TNS3: variants seen among roughly 807,000 people sequenced by gnomAD.
The protein encoded by TNS3 is tensin 3.
TNS3 carries 45 observed loss-of-function variants against 140.9 expected under a neutral mutation model. The observed-to-expected ratio is 0.32, with a 90% CI of 0.25 to 0.41. The LOEUF is 0.41. Ranked by LOEUF, TNS3 falls within the 10% of genes least tolerant of loss-of-function variation. The pLI is 1.00. For missense variants in TNS3, 1,716 were observed against 1,906.7 expected (o/e 0.90, Z 1.86); for synonymous variants, 815 against 788.4 (o/e 1.03, Z -0.56).
chr7:47,396,968 C>T, intron 15 of TNS3, 64 bp from the exon 16 acceptor site: 1 of 1,190,070 alleles, frequency 8.4e-7, no homozygotes, highest in African/African-American at 1.5e-5. Context: ...CCAACCGACT[C>T]CACCATAAGG....
chr7:47,312,859 C>T (rs185392558), intron 20 of TNS3, among the ~76,000 whole-genome samples: 1 of 151,292 alleles, frequency 6.6e-6, no homozygotes, highest in East Asian at 1.9e-4. Flanking sequence ...GCACATGTAC[C>T]CTAAAACTTA....
intron 25 of TNS3, 139 bp from the exon 26 acceptor site, chr7:47,293,044 G>A: frequency 1.5e-6 from 1 of 654,516 alleles, no homozygotes; most frequent in Non-Finnish European, 2.6e-6. Flanking sequence ...AGATTAGTGT[G>A]CAGCTTTGTG....
chr7:47,480,739 C>T (rs1227555360), intron 4 of TNS3, among the ~76,000 whole-genome samples: 1 of 152,202 alleles, frequency 6.6e-6, no homozygotes, highest in Non-Finnish European at 1.5e-5. Context: ...CCACAGCCAC[C>T]TGGCGACCCA....
intron 4 of TNS3, chr7:47,470,568 G>A: frequency 1.0e-6 from 1 of 985,354 alleles, no homozygotes; most frequent in Non-Finnish European, 1.2e-6. Context: ...TGCCTTTGGT[G>A]CGTCCAGCCC....
chr7:47,328,197 G>A (rs530315151), intron 20 of TNS3, among the ~76,000 whole-genome samples: 1 of 152,198 alleles, frequency 6.6e-6, no homozygotes, highest in East Asian at 1.9e-4. Flanking sequence ...CACCTCCAAA[G>A]AGGCCCATTC....
At chr7:47,520,159 G>A (rs1225765443) in intron 2 of TNS3, among the ~76,000 whole-genome samples, 1 of 152,072 alleles carries the variant, frequency 6.6e-6, no homozygotes, top group African/African-American at 2.4e-5. Context: ...AGGCCTGCCA[G>A]TGTCCCAGGG....
intron 4 of TNS3, among the ~76,000 whole-genome samples, chr7:47,472,008 TCTGAGAGC>T (rs1388401348): frequency 6.6e-6 from 1 of 152,202 alleles, no homozygotes; most frequent in Admixed American, 6.5e-5. Flanking sequence ...CTGCGCTCCT[TCTGAGAGC>T]CCCAGGGAGG....
intron 13 of TNS3, among the ~76,000 whole-genome samples, chr7:47,410,527 T>TG (rs1298361635): frequency 5.9e-5 from 9 of 152,120 alleles, no homozygotes; most frequent in Admixed American, 5.9e-4. Context: ...CCCGCAGGCG[T>TG]GGATGGGTTT....
intron 4 of TNS3, among the ~76,000 whole-genome samples, chr7:47,479,496 G>A (rs1335437496): frequency 7.5e-5 from 4 of 53,554 alleles, no homozygotes; most frequent in East Asian, 4.8e-4. Context: ...CCACCCCCCC[G>A]TCGGCGGTGA....
chr7:47,372,172 G>C (rs918635704), intron 16 of TNS3, among the ~76,000 whole-genome samples: 5 of 152,240 alleles, frequency 3.3e-5, no homozygotes, highest in Non-Finnish European at 7.3e-5. Flanking sequence ...TCCCCACGAT[G>C]GAAGGTGTTG....
At chr7:47,365,461 T>G (rs1254607787) in intron 17 of TNS3, among the ~76,000 whole-genome samples, 73 of 132,032 alleles carry the variant, frequency 5.5e-4, no homozygotes, top group African/African-American at 1.6e-3. Flanking sequence ...AAAAAAAAAG[T>G]GTTCTCAAAG....
intron 4 of TNS3, among the ~76,000 whole-genome samples, chr7:47,475,575 G>C (rs562369913): frequency 6.6e-6 from 1 of 152,346 alleles, no homozygotes; most frequent in African/African-American, 2.4e-5. Flanking sequence ...GCTGGCTGTG[G>C]GCTGCCCAGG....
At chr7:47,298,959 G>C (rs376740365) in intron 23 of TNS3, among the ~76,000 whole-genome samples, 158 of 152,304 alleles carry the variant, frequency 1.0e-3, no homozygotes, top group African/African-American at 3.8e-3. Context: ...GCATGCCCGA[G>C]ACTGCTGGTA....
chr7:47,438,068 A>G (rs935490047), intron 6 of TNS3, among the ~76,000 whole-genome samples: 2 of 138,636 alleles, frequency 1.4e-5, no homozygotes, highest in African/African-American at 2.6e-5. Flanking sequence ...AATAATAATA[A>G]TAATGTTCCA....
intron 26 of TNS3, among the ~76,000 whole-genome samples, chr7:47,292,498 G>A (rs570381189): frequency 2.6e-5 from 4 of 152,274 alleles, no homozygotes; most frequent in Non-Finnish European, 4.4e-5. Flanking sequence ...TGCCCATTCC[G>A]TAGAAACGTA....
intron 20 of TNS3, among the ~76,000 whole-genome samples, chr7:47,344,007 G>A (rs181098230): frequency 3.3e-5 from 5 of 152,244 alleles, no homozygotes; most frequent in Admixed American, 2.0e-4. Flanking sequence ...CTCAGGTAAC[G>A]TGCCTAATAA....
At chr7:47,476,950 T>C (rs2151767020) in intron 4 of TNS3, among the ~76,000 whole-genome samples, 1 of 152,356 alleles carries the variant, frequency 6.6e-6, no homozygotes, top group East Asian at 1.9e-4. Flanking sequence ...CAGAAGATTC[T>C]GCTACCAGGA....
intron 1 of TNS3, chr7:47,539,462 C>T (rs1050318195): frequency 3.2e-5 from 9 of 278,596 alleles, no homozygotes; most frequent in African/African-American, 1.3e-4. Flanking sequence ...ATCAGCAGGC[C>T]GCCTCTCCAG....
intron 12 of TNS3, 146 bp from the exon 13 acceptor site, chr7:47,411,948 A>G: frequency 1.3e-6 from 1 of 766,950 alleles, no homozygotes. Context: ...CTGAGAATCT[A>G]AATGAATCTA....
Sources: allele counts gnomAD v4.1 joint callset (sites outside exome capture counted in the v4.1 genomes callset), GRCh38; gene constraint gnomAD v4.1.1; transcripts MANE v1.5; gene names NCBI Gene and HGNC (gene_info 2026-07-23, HGNC 2026-07-21).